Variants in DIAPH2 observed in about 807,000 individuals in gnomAD.
DIAPH2 encodes the protein protein diaphanous homolog 2.
In DIAPH2, 35 loss-of-function variants were observed where a neutral mutation model predicts 92.7. The ratio of observed to expected loss-of-function variants is 0.38; its 90% confidence interval spans 0.29 to 0.50. The LOEUF (loss-of-function observed/expected upper bound fraction) is 0.50. DIAPH2 is among the 20% of genes least tolerant of loss of function. The pLI, the probability that DIAPH2 is intolerant of heterozygous loss-of-function variation, is 0.94. For synonymous variants in DIAPH2, 301 were observed against 280.4 expected, an observed-to-expected ratio of 1.07 and a Z score of -0.73; for missense variants, 701 against 819.5, an observed-to-expected ratio of 0.86 and a Z score of 1.77.
intron 16 of DIAPH2, among the ~76,000 whole-genome samples, chrX:96,962,261 C>CTATA (rs746906293): frequency 6.4e-5 from 5 of 78,420 alleles, no homozygotes; most frequent in Non-Finnish European, 1.2e-4. Context: ...TGATGCCTTT[C>CTATA]TATATATATA....
rs771247999 is a variant in DIAPH2, at chrX:97,085,415, TTTTG to T, written c.2247+10174_2247+10177del. Among the ~76,000 whole-genome samples the T allele has an allele frequency of 4.5e-3, 497 of 110,779 alleles. 2 individuals are homozygous for T. The highest frequency in any genetic ancestry group is 0.014 in the Middle Eastern group (3 of 213). On this transcript the variant is annotated intron_variant, in intron 19 of 26. Transcript: ENST00000324765. ...TCCAAAGGTTTGGCAGTAGAATAATTTTTGTTTGTTTGTTTGTTTGTTTTTTTGA... is the reference window on the plus strand; with the variant it reads ...TCCAAAGGTTTGGCAGTAGAATAATTTTTGTTTGTTTGTTTGTTTTTTTGA...
chrX:97,592,267 A>G (rs1393101292), intron 26 of DIAPH2, among the ~76,000 whole-genome samples: 1 of 111,908 alleles, frequency 8.9e-6, no homozygotes, highest in Non-Finnish European at 1.9e-5. Context: ...GTACCTTTAC[A>G]TTAGTACGAG....
chrX:96,900,282 C>A (rs756508432), intron 5 of DIAPH2, among the ~76,000 whole-genome samples: 1 of 111,334 alleles, frequency 9.0e-6, no homozygotes, highest in African/African-American at 3.3e-5. Context: ...CTTCATTTGA[C>A]TGTCTGCTTG....
chrX:97,129,554 T>C, intron 21 of DIAPH2, among the ~76,000 whole-genome samples: 1 of 111,723 alleles, frequency 9.0e-6, no homozygotes, highest in East Asian at 2.8e-4. Context: ...TGAAAAGATA[T>C]CTCATATTCA....
At chrX:96,844,679 C>A (rs968162538) in intron 4 of DIAPH2, among the ~76,000 whole-genome samples, 2 of 112,053 alleles carry the variant, frequency 1.8e-5, no homozygotes, top group Non-Finnish European at 3.8e-5. Flanking sequence ...TATGGTGATA[C>A]TTCCGTTTCA....
intron 17 of DIAPH2, among the ~76,000 whole-genome samples, chrX:96,998,356 TG>T (rs1218221827): frequency 9.0e-6 from 1 of 111,221 alleles, no homozygotes; most frequent in Non-Finnish European, 1.9e-5. Context: ...ATTTTTGAAT[TG>T]GGGGGAGAAA....
chrX:97,199,014 G>T (rs1229801549), intron 22 of DIAPH2, among the ~76,000 whole-genome samples: 1 of 110,090 alleles, frequency 9.1e-6, no homozygotes, highest in Non-Finnish European at 1.9e-5. Context: ...CACAAGCAGA[G>T]AAGTAAGTGC....
chrX:97,185,383 A>ATATATATATG (rs2067580000), intron 22 of DIAPH2, among the ~76,000 whole-genome samples: 3 of 27,796 alleles, frequency 1.1e-4, no homozygotes, highest in South Asian at 2.0e-3. Flanking sequence ...ATATATATGT[A>ATATATATATG]TATATATATG....
At chrX:97,280,318 C>G (rs187421423) in intron 23 of DIAPH2, among the ~76,000 whole-genome samples, 210 of 105,589 alleles carry the variant, frequency 2.0e-3, no homozygotes, top group African/African-American at 6.8e-3. Flanking sequence ...ACTAAAAATA[C>G]AAAAAAAAAA....
chrX:97,378,444 G>A (rs1328281275), intron 24 of DIAPH2, among the ~76,000 whole-genome samples: 3 of 110,317 alleles, frequency 2.7e-5, no homozygotes, highest in Non-Finnish European at 5.7e-5. Flanking sequence ...CACTTTGGGA[G>A]GCCGAGGCAG....
intron 4 of DIAPH2, among the ~76,000 whole-genome samples, chrX:96,783,986 T>C (rs762450362): frequency 2.7e-5 from 3 of 111,820 alleles, no homozygotes; most frequent in Non-Finnish European, 5.6e-5. Flanking sequence ...GACAGAGACA[T>C]ATTTTAACCT....
intron 4 of DIAPH2, among the ~76,000 whole-genome samples, chrX:96,795,028 C>T (rs1400037340): frequency 8.9e-6 from 1 of 112,022 alleles, no homozygotes; most frequent in Admixed American, 9.5e-5. Flanking sequence ...TTCAGATAAT[C>T]TAGGATTGAT....
intron 24 of DIAPH2, among the ~76,000 whole-genome samples, chrX:97,367,639 A>C (rs770997842): frequency 9.0e-6 from 1 of 111,093 alleles, no homozygotes; most frequent in Non-Finnish European, 1.9e-5. Context: ...ACTCAGAAAC[A>C]TATACCTATA....
intron 26 of DIAPH2, among the ~76,000 whole-genome samples, chrX:97,434,179 A>G (rs2070156517): frequency 9.0e-6 from 1 of 111,588 alleles, no homozygotes; most frequent in South Asian, 3.8e-4. Flanking sequence ...ATGAGAGACT[A>G]AGGTGTTAAC....
intron 16 of DIAPH2, among the ~76,000 whole-genome samples, chrX:96,963,965 AT>A (rs928359813): frequency 4.5e-5 from 5 of 110,268 alleles, no homozygotes; most frequent in East Asian, 2.8e-4. Context: ...ATATACCTTA[AT>A]TTTTTTTGAT....
chrX:97,162,845 T>A (rs2067384215), intron 22 of DIAPH2, among the ~76,000 whole-genome samples: 1 of 111,420 alleles, frequency 9.0e-6, no homozygotes, highest in Admixed American at 9.6e-5. Flanking sequence ...TTTTTCCCCG[T>A]CTATTTCTTG....
intron 4 of DIAPH2, among the ~76,000 whole-genome samples, chrX:96,836,465 AAC>A (rs1361129510): frequency 1.8e-4 from 19 of 108,010 alleles, no homozygotes; most frequent in Non-Finnish European, 2.9e-4. Context: ...TTATTAGCAA[AAC>A]AGTCTTGAAT....
At chrX:97,096,006 A>C (rs2066866118) in intron 19 of DIAPH2, among the ~76,000 whole-genome samples, 1 of 110,725 alleles carries the variant, frequency 9.0e-6, no homozygotes, top group Non-Finnish European at 1.9e-5. Context: ...GAAATATTTG[A>C]AAAAAAAATA....
At chrX:96,700,293 G>A (rs886825699) in intron 1 of DIAPH2, among the ~76,000 whole-genome samples, 16 of 112,527 alleles carry the variant, frequency 1.4e-4, no homozygotes, top group African/African-American at 4.5e-4. Flanking sequence ...CCTGAGCCAT[G>A]CATCTGGCCT....
Sources: gnomAD v4.1 joint callset for allele counts (sites outside exome capture counted in the v4.1 genomes callset) on GRCh38, gnomAD v4.1.1 for gene constraint, MANE v1.5 for transcripts, NCBI Gene and HGNC (gene_info 2026-07-23, HGNC 2026-07-21) for gene names.